PRSS12: variants seen among roughly 807,000 people sequenced by gnomAD.
PRSS12 encodes serine protease 12, also known as neurotrypsin.
A neutral mutation model predicts 104.4 loss-of-function variants in PRSS12; 85 were observed. The ratio of observed to expected loss-of-function variants is 0.81; its 90% CI spans 0.68 to 0.98. The LOEUF is 0.98. Among genes scored for constraint, PRSS12 ranks in the 50% least tolerant of loss-of-function variants. PRSS12 has a pLI of 0.00. For missense variants in PRSS12, 1,141 were observed against 1,139.2 expected (o/e 1.00, Z -0.02); for synonymous variants, 454 against 425.2 (o/e 1.07, Z -0.83).
intron 11 of PRSS12, among the ~76,000 whole-genome samples, chr4:118,285,613 T>C (rs1742995634): frequency 6.6e-6 from 1 of 152,174 alleles, no homozygotes; most frequent in Non-Finnish European, 1.5e-5. Context: ...TTAGTCTGAA[T>C]TGAGATGTGC....
At position 118,308,507 on chromosome 4, in the gene PRSS12, C is replaced by T; in HGVS notation, c.1560G>A (p.Gln520=). The change falls in exon 8 of 13, where the codon CAG becomes CAA. Residue 520 remains glutamine, a synonymous_variant. Coordinates refer to ENST00000296498, the MANE Select transcript of PRSS12 (RefSeq NM_003619.4). ...EGRVEVFING[Q]WGTICDDGWT... is the part of the protein sequence containing the mutation. ...ATCCATCATCACAGATTGTTCCCCA[C>T]TGGCCATTGATAAAAACCTCCACTC... is the stretch of plus-strand genomic sequence containing the variant. 6.2e-7 allele frequency: 1 copy of T among 1,614,070 alleles called. No individual in the cohort carries two copies. Among genetic ancestry groups the T allele is most frequent in the Non-Finnish European group, 8.5e-7 (1 of 1,179,962 alleles).
chr4:118,297,544 T>C (rs1480328986), intron 9 of PRSS12, among the ~76,000 whole-genome samples: 1 of 151,346 alleles, frequency 6.6e-6, no homozygotes, highest in Non-Finnish European at 1.5e-5. Flanking sequence ...TTAATATATA[T>C]GAATAGAAAA....
intron 7 of PRSS12, 139 bp downstream of exon 7, chr4:118,313,062 A>G (rs1200142226): frequency 2.2e-6 from 2 of 920,892 alleles, no homozygotes; most frequent in Non-Finnish European, 3.3e-6. Flanking sequence ...CTGCATAAAA[A>G]TTACTGAAAA....
At chr4:118,319,415 G>GT (rs1279642429) in intron 4 of PRSS12, among the ~76,000 whole-genome samples, 1 of 152,060 alleles carries the variant, frequency 6.6e-6, no homozygotes, top group African/African-American at 2.4e-5. Flanking sequence ...TGTATTACTT[G>GT]TAGGAAGTAT....
chr4:118,343,581 A>AC (rs1221869771), intron 1 of PRSS12, among the ~76,000 whole-genome samples: 1 of 151,952 alleles, frequency 6.6e-6, no homozygotes, highest in Non-Finnish European at 1.5e-5. Flanking sequence ...ACATAGCAAG[A>AC]CCCCACCTCT....
At chr4:118,330,662 G>A (rs1476015970) in intron 4 of PRSS12, among the ~76,000 whole-genome samples, 1 of 152,154 alleles carries the variant, frequency 6.6e-6, no homozygotes, top group Non-Finnish European at 1.5e-5. Flanking sequence ...TGAATAAGAT[G>A]AAGTATTAGA....
At chr4:118,301,425 C>T (rs1743404205) in intron 8 of PRSS12, among the ~76,000 whole-genome samples, 1 of 152,178 alleles carries the variant, frequency 6.6e-6, no homozygotes, top group South Asian at 2.1e-4. Context: ...AAAGCCACTG[C>T]TGCAGTGTCA....
At chr4:118,338,539 CTTTTT>C (rs1724118364) in intron 1 of PRSS12, among the ~76,000 whole-genome samples, 1 of 152,084 alleles carries the variant, frequency 6.6e-6, no homozygotes, top group South Asian at 2.1e-4. Flanking sequence ...ATTATATTTT[CTTTTT>C]TATCTAGGCA....
At chr4:118,285,473 T>A (rs770705629) in intron 11 of PRSS12, among the ~76,000 whole-genome samples, 32 of 152,210 alleles carry the variant, frequency 2.1e-4, no homozygotes, top group Non-Finnish European at 4.4e-5. Context: ...TTATTGTAAA[T>A]ACATCCTTGA....
chr4:118,293,763 A>G (rs1560765799), intron 11 of PRSS12, among the ~76,000 whole-genome samples: 1 of 142,926 alleles, frequency 7.0e-6, no homozygotes, highest in Non-Finnish European at 1.6e-5. Context: ...AGGAAACAGG[A>G]ACTTACACAT....
intron 1 of PRSS12, among the ~76,000 whole-genome samples, chr4:118,343,192 C>T (rs115548107): frequency 2.0e-5 from 3 of 151,264 alleles, no homozygotes; most frequent in Non-Finnish European, 4.4e-5. Context: ...GGTTAGAGAT[C>T]GGCCTAGACA....
chr4:118,302,667 T>G (rs548890848), intron 8 of PRSS12, among the ~76,000 whole-genome samples: 98 of 152,320 alleles, frequency 6.4e-4, no homozygotes, highest in Non-Finnish European at 9.8e-4. Flanking sequence ...CCTCGAGAGA[T>G]CTGCCCGCCG....
intron 12 of PRSS12, 73 bp downstream of exon 12, chr4:118,282,758 C>T: frequency 1.3e-6 from 2 of 1,592,596 alleles, no homozygotes; most frequent in East Asian, 4.5e-5. Context: ...GATCTTATTG[C>T]CCATTGCACA....
At chr4:118,346,331 C>A (rs1724353469) in intron 1 of PRSS12, among the ~76,000 whole-genome samples, 1 of 152,072 alleles carries the variant, frequency 6.6e-6, no homozygotes, top group African/African-American at 2.4e-5. Context: ...CATCCACACC[C>A]AAATTCATAA....
At chr4:118,299,937 C>T (rs1264744535) in intron 8 of PRSS12, among the ~76,000 whole-genome samples, 22 of 148,152 alleles carry the variant, frequency 1.5e-4, no homozygotes, top group African/African-American at 3.4e-4. Context: ...GCTGAGATCA[C>T]GCCGTTGCGC....
intron 11 of PRSS12, among the ~76,000 whole-genome samples, chr4:118,293,552 C>T (rs748537348): frequency 1.3e-5 from 2 of 152,056 alleles, no homozygotes; most frequent in Non-Finnish European, 2.9e-5. Context: ...AGACTTAGCA[C>T]ACAGAACATA....
rs762750279 is a variant in PRSS12 at position 118,313,165 on chromosome 4, A to C, written c.1489+36T>G. ...GTGGTTAGAGGTGCAATGGCTACTG[A>C]ATGATGGAAACTTGAGAGCTGCAGC... On this transcript the variant is annotated intron_variant, in intron 7 of 12. Transcript: ENST00000296498. 3.1e-6 allele frequency: 5 copies of C among 1,608,614 alleles called. No individual in the cohort carries two copies. In the South Asian group the frequency reaches 5.5e-5, roughly 18 times the overall value.
At chr4:118,334,811 A>G (rs1724020873) in intron 3 of PRSS12, among the ~76,000 whole-genome samples, 2 of 152,228 alleles carry the variant, frequency 1.3e-5, no homozygotes, top group Non-Finnish European at 2.9e-5. Context: ...ATACCATGAG[A>G]GTATGGTGGC....
chr4:118,331,910 C>A (rs1348534436), intron 3 of PRSS12, 44 bp from the exon 4 acceptor site: 1 of 1,610,626 alleles, frequency 6.2e-7, no homozygotes, highest in East Asian at 2.2e-5. Flanking sequence ...TATGCATTTA[C>A]ATTGATTGAT....
Sources: gnomAD v4.1 joint callset for allele counts (sites outside exome capture counted in the v4.1 genomes callset) on GRCh38, gnomAD v4.1.1 for gene constraint, MANE v1.5 for transcripts, NCBI Gene and HGNC (gene_info 2026-07-23, HGNC 2026-07-21) for gene names.